The following SCCPDH variants were observed in gnomAD, a reference collection of about 807,000 sequenced individuals.
SCCPDH encodes the protein saccharopine dehydrogenase-like oxidoreductase.
Under a neutral mutation model 51.5 loss-of-function variants are expected in SCCPDH, and 34 were observed. The observed-to-expected ratio is 0.66, with a 90% CI of 0.50 to 0.88. The LOEUF is 0.88. Among genes scored for constraint, SCCPDH ranks in the 40% least tolerant of loss-of-function variants. The pLI is 0.00. For missense variants in SCCPDH, 464 were observed against 527.1 expected, an observed-to-expected ratio of 0.88 and a Z score of 1.17; for synonymous variants, 187 against 191.3, an observed-to-expected ratio of 0.98 and a Z score of 0.19.
At chr1:246,738,785 G>A (rs987765694) in intron 3 of SCCPDH, among the ~76,000 whole-genome samples, 6 of 152,140 alleles carry the variant, frequency 3.9e-5, no homozygotes, top group Admixed American at 2.6e-4. Flanking sequence ...CCCGCGAGGT[G>A]GAGGTTGCAG....
chr1:246,766,875 A>T (rs189003151), intron 11 of SCCPDH, among the ~76,000 whole-genome samples: 314 of 151,922 alleles, frequency 2.1e-3, no homozygotes, highest in Non-Finnish European at 3.0e-3. Flanking sequence ...TAATCCCCCT[A>T]AGTCTGAGGA....
chr1:246,751,837 A>C (rs560329375), intron 5 of SCCPDH, among the ~76,000 whole-genome samples: 1 of 147,968 alleles, frequency 6.8e-6, no homozygotes, highest in East Asian at 2.0e-4. Flanking sequence ...GCAGTGGCGC[A>C]GTCTCAGCTC....
chr1:246,761,941 A>G (rs561683753), intron 9 of SCCPDH, among the ~76,000 whole-genome samples: 1 of 152,328 alleles, frequency 6.6e-6, no homozygotes, highest in African/African-American at 2.4e-5. Context: ...TGTGAATTGT[A>G]TATTTAACTT....
At chr1:246,736,507 C>G (rs1668592819) in intron 3 of SCCPDH, among the ~76,000 whole-genome samples, 2 of 152,074 alleles carry the variant, frequency 1.3e-5, no homozygotes, top group Admixed American at 6.6e-5. Flanking sequence ...CGAGACCATC[C>G]TGGCCAACAC....
chr1:246,747,141 C>G (rs1232997164), intron 5 of SCCPDH, among the ~76,000 whole-genome samples: 4 of 152,060 alleles, frequency 2.6e-5, no homozygotes, highest in Non-Finnish European at 5.9e-5. Flanking sequence ...TTTTTTTCCC[C>G]TCTTGTTTCT....
chr1:246,766,264 A>G (rs1239140926), intron 11 of SCCPDH, 125 bp downstream of exon 11: 2 of 670,040 alleles, frequency 3.0e-6, no homozygotes, highest in Admixed American at 2.8e-5. Context: ...CTTTGCTTCA[A>G]AAATATAGGT....
At chr1:246,736,076 A>G in intron 3 of SCCPDH, 21 bp downstream of exon 3, 1 of 1,534,360 alleles carries the variant, frequency 6.5e-7, no homozygotes, top group Non-Finnish European at 9.0e-7. Flanking sequence ...TAAAAAGGAA[A>G]AACGTAGAAT....
chr1:246,727,816 A>T (rs1472688472), intron 2 of SCCPDH, among the ~76,000 whole-genome samples: 1 of 152,016 alleles, frequency 6.6e-6, no homozygotes, highest in Non-Finnish European at 1.5e-5. Flanking sequence ...CATGGCAGAG[A>T]GGTGGAGAGT....
chr1:246,761,973 T>C (rs1306046007), intron 9 of SCCPDH, among the ~76,000 whole-genome samples: 1 of 152,224 alleles, frequency 6.6e-6, no homozygotes, highest in East Asian at 1.9e-4. Context: ...ACTAAACTGT[T>C]CTGCAGAGCT....
At chr1:246,729,113 A>C (rs1436637941) in intron 2 of SCCPDH, among the ~76,000 whole-genome samples, 2 of 152,228 alleles carry the variant, frequency 1.3e-5, no homozygotes, top group Non-Finnish European at 2.9e-5. Flanking sequence ...CAGAGATCAC[A>C]TGCTTCAAAA....
At chr1:246,724,726 G>C (rs1370194538) in intron 1 of SCCPDH, 114 bp downstream of exon 1, 3 of 929,968 alleles carry the variant, frequency 3.2e-6, no homozygotes, top group Non-Finnish European at 4.5e-6. Flanking sequence ...CGAGCCCTGC[G>C]TGAGGACAAG....
chr1:246,730,078 A>G (rs1401584887), intron 2 of SCCPDH, among the ~76,000 whole-genome samples: 1 of 151,812 alleles, frequency 6.6e-6, no homozygotes, highest in Non-Finnish European at 1.5e-5. Context: ...CCTTCCAACT[A>G]CTCTACTTTT....
rs114957891 is a variant in SCCPDH, at chr1:246,766,388, C to A, written c.1184+249C>A. ...AAGTTGGAGAGCCATGAGTTAACTT[C>A]AGCCCTTTATAAAGATACCTCAAGT... On this transcript the variant is annotated intron_variant, in intron 11 of 11. Transcript: ENST00000366510. Among the ~76,000 whole-genome samples the A allele has an allele frequency of 5.7e-3, 869 of 152,280 alleles. 5 individuals carry two copies. The highest frequency in any genetic ancestry group is 0.019 in the African/African-American group (806 of 41,560).
intron 5 of SCCPDH, among the ~76,000 whole-genome samples, chr1:246,753,425 C>T (rs538283450): frequency 2.6e-5 from 4 of 152,240 alleles, no homozygotes; most frequent in African/African-American, 9.6e-5. Context: ...AGAGGATCCT[C>T]GAGACCTAGA....
At chr1:246,727,149 C>A in intron 2 of SCCPDH, 145 bp downstream of exon 2, 1 of 651,148 alleles carries the variant, frequency 1.5e-6, no homozygotes, top group Non-Finnish European at 2.7e-6. Flanking sequence ...TTGCGAGGAG[C>A]AGCTGGAGAT....
intron 5 of SCCPDH, among the ~76,000 whole-genome samples, chr1:246,746,793 A>T (rs567988259): frequency 3.7e-4 from 56 of 152,378 alleles, no homozygotes; most frequent in African/African-American, 1.3e-3. Flanking sequence ...GTGAGCCGAG[A>T]TCGTGCCACT....
At chr1:246,747,130 CT>C (rs1227135641) in intron 5 of SCCPDH, among the ~76,000 whole-genome samples, 1 of 152,122 alleles carries the variant, frequency 6.6e-6, no homozygotes, top group Non-Finnish European at 1.5e-5. Context: ...TGTCCGAACT[CT>C]TTTTTTCCCC....
At position 246,758,429 on chromosome 1, in the gene SCCPDH, G is replaced by A. The variant is rs536361269; in HGVS notation, c.695+73G>A. 72 of 1,121,424 alleles carry A rather than the reference G, an allele frequency of 6.4e-5. No individual in the cohort carries two copies. The Admixed American group carries it at 1.4e-3, about 21-fold the overall frequency. 69.5% of individuals were successfully genotyped at this position (1,121,424 alleles called of 1,614,324 possible). A position where few individuals can be genotyped will look rare whatever the true frequency, so the allele number is the denominator to read the frequency against. On this transcript the variant is annotated intron_variant, in intron 6 of 11. Transcript: ENST00000366510. ...TGTTGTTGGGTTGGCTATTAATAAA[G>A]TATGTTACTAAGAAAAGCTTGGAGA...
In SCCPDH at chr1:246,726,944, T is replaced by C. The variant is rs1322400806; in HGVS notation, c.243T>C (p.Asn81=). 1.2e-6 allele frequency: 2 copies of C among 1,614,104 alleles called. No individual in the cohort carries two copies. The highest frequency in any genetic ancestry group is 2.7e-5 in the African/African-American group (2 of 74,958). The part of the protein sequence containing the change: ...EVGIIICDIA[N]PASLDEMAKQ... ...GAATCATCATCTGTGATATTGCTAATCCAGCCTCGCTTGATGAAATGGCTA... is the reference window on the plus strand; with the variant it reads ...GAATCATCATCTGTGATATTGCTAACCCAGCCTCGCTTGATGAAATGGCTA... Residue 81 remains asparagine, a synonymous_variant, in exon 2 of 12, where the codon AAT becomes AAC. Coordinates refer to ENST00000366510, the MANE Select transcript of SCCPDH (RefSeq NM_016002.3).
Sources: allele counts gnomAD v4.1 joint callset (sites outside exome capture counted in the v4.1 genomes callset), GRCh38; gene constraint gnomAD v4.1.1; transcripts MANE v1.5; gene names NCBI Gene and HGNC (gene_info 2026-07-23, HGNC 2026-07-21).